RORB: variants seen among roughly 807,000 people sequenced by gnomAD.
RORB encodes nuclear receptor ROR-beta.
In RORB, 6 loss-of-function variants were observed where a neutral mutation model predicts 59.1. That is an observed-to-expected ratio of 0.10 (90% confidence interval 0.06 to 0.20). The LOEUF is 0.20. Among genes scored for constraint, RORB ranks in the 10% least tolerant of loss-of-function variants. The probability of loss-of-function intolerance (pLI) is 1.00; values close to 1 mark genes in which losing one functional copy is unlikely to be tolerated. For synonymous variants in RORB, 215 were observed against 204.5 expected (o/e 1.05, Z -0.44); for missense variants, 320 against 560.5 (o/e 0.57, Z 4.33).
At chr9:74,584,847 T>A (rs1822774814) in intron 1 of RORB, among the ~76,000 whole-genome samples, 1 of 151,870 alleles carries the variant, frequency 6.6e-6, no homozygotes, top group African/African-American at 2.4e-5. Context: ...GCCTTTAGAG[T>A]GGATAGCCAG....
intron 1 of RORB, among the ~76,000 whole-genome samples, chr9:74,618,485 G>T (rs544837010): frequency 6.6e-6 from 1 of 152,142 alleles, no homozygotes; most frequent in East Asian, 1.9e-4. Context: ...CATTGAAATT[G>T]GTTCTGATCA....
chr9:74,539,552 T>C (rs984212265), intron 1 of RORB, among the ~76,000 whole-genome samples: 9 of 152,170 alleles, frequency 5.9e-5, no homozygotes, highest in African/African-American at 2.2e-4. Flanking sequence ...TGTTTTAAAG[T>C]ACTGGGCTAC....
chr9:74,654,021 A>T (rs1432694653), intron 4 of RORB, among the ~76,000 whole-genome samples: 1 of 152,214 alleles, frequency 6.6e-6, no homozygotes, highest in Non-Finnish European at 1.5e-5. Context: ...CTTTCTACAT[A>T]GAATTAGGTA....
intron 1 of RORB, among the ~76,000 whole-genome samples, chr9:74,513,522 G>C (rs191526920): frequency 2.0e-5 from 3 of 152,032 alleles, no homozygotes; most frequent in Admixed American, 2.0e-4. Flanking sequence ...ATTCAATCTA[G>C]AAGGAATTTT....
At chr9:74,533,000 C>T (rs1826270817) in intron 1 of RORB, among the ~76,000 whole-genome samples, 1 of 151,688 alleles carries the variant, frequency 6.6e-6, no homozygotes, top group Non-Finnish European at 1.5e-5. Flanking sequence ...GGGGCCCCCA[C>T]TCCCATAAGG....
chr9:74,631,422 G>C (rs1332074757), intron 2 of RORB, among the ~76,000 whole-genome samples: 1 of 151,454 alleles, frequency 6.6e-6, no homozygotes, highest in African/African-American at 2.4e-5. Flanking sequence ...ATTCTTTTAA[G>C]GCCAGTAAAC....
intron 1 of RORB, among the ~76,000 whole-genome samples, chr9:74,575,977 G>C (rs1822628703): frequency 6.6e-6 from 1 of 151,968 alleles, no homozygotes; most frequent in Admixed American, 6.6e-5. Context: ...ATAAAATAAT[G>C]GTCTTCTTCA....
At chr9:74,511,519 C>A (rs1390961625) in intron 1 of RORB, among the ~76,000 whole-genome samples, 2 of 151,316 alleles carry the variant, frequency 1.3e-5, no homozygotes, top group Non-Finnish European at 2.9e-5. Flanking sequence ...GCACAGTGAC[C>A]CGGGCCTGTG....
At chr9:74,621,165 A>G (rs892666184) in intron 1 of RORB, among the ~76,000 whole-genome samples, 2 of 152,122 alleles carry the variant, frequency 1.3e-5, no homozygotes, top group African/African-American at 2.4e-5. Context: ...GTACTATTCT[A>G]TAGGTTTTGA....
At chr9:74,605,981 G>A (rs1222175169) in intron 1 of RORB, among the ~76,000 whole-genome samples, 9 of 152,138 alleles carry the variant, frequency 5.9e-5, no homozygotes, top group Non-Finnish European at 1.3e-4. Context: ...GCAGGAGGTG[G>A]TACTGATGCT....
intron 1 of RORB, among the ~76,000 whole-genome samples, chr9:74,546,142 C>T (rs565497369): frequency 1.1e-4 from 16 of 152,110 alleles, no homozygotes; most frequent in South Asian, 8.3e-4. Context: ...CTAAAAATGA[C>T]GAAGATTTCA....
At chr9:74,532,834 A>ATATATG (rs1826267358) in intron 1 of RORB, among the ~76,000 whole-genome samples, 2 of 135,050 alleles carry the variant, frequency 1.5e-5, no homozygotes, top group African/African-American at 5.4e-5. Context: ...ATGTGTATAT[A>ATATATG]TATACACATA....
In RORB at chr9:74,673,223, C is replaced by G. The variant is rs542388854; in HGVS notation, c.1224+1322C>G. On this transcript the variant is annotated intron_variant, in intron 9 of 9. Transcript: ENST00000376896. ...GAAAAGACAATAATGTAAATATATG[C>G]ATGTGTCTCTATAGTTGCTTGGTAG... Among the ~76,000 whole-genome samples the G allele has an allele frequency of 7.2e-5, 11 of 152,242 alleles. No homozygotes were observed. In the South Asian group the frequency reaches 2.1e-3, roughly 29 times the overall value.
intron 4 of RORB, among the ~76,000 whole-genome samples, chr9:74,653,847 A>T (rs2118494002): frequency 6.6e-6 from 1 of 152,246 alleles, no homozygotes; most frequent in South Asian, 2.1e-4. Context: ...GGTGGAAAAA[A>T]AACCCGCTGA....
chr9:74,532,467 T>C (rs1371080074), intron 1 of RORB, among the ~76,000 whole-genome samples: 1 of 151,962 alleles, frequency 6.6e-6, no homozygotes, highest in Non-Finnish European at 1.5e-5. Context: ...CATTGCTGCT[T>C]TCCTTATTGG....
chr9:74,521,812 A>G (rs1826089461), intron 1 of RORB, among the ~76,000 whole-genome samples: 1 of 151,752 alleles, frequency 6.6e-6, no homozygotes, highest in Non-Finnish European at 1.5e-5. Flanking sequence ...AGAAAATTGA[A>G]CCATACCTTG....
intron 1 of RORB, among the ~76,000 whole-genome samples, chr9:74,612,277 GA>G (rs1823242171): frequency 6.6e-6 from 1 of 152,130 alleles, no homozygotes; most frequent in African/African-American, 2.4e-5. Flanking sequence ...AAAAGGCAGA[GA>G]AGTGAGGCAT....
chr9:74,676,609 G>A (rs181197430), intron 9 of RORB, among the ~76,000 whole-genome samples: 137 of 152,314 alleles, frequency 9.0e-4, no homozygotes, highest in African/African-American at 2.6e-3. Context: ...CACACCTCTG[G>A]GTGGTTTTAG....
chr9:74,596,777 C>A (rs1211113145), intron 1 of RORB, among the ~76,000 whole-genome samples: 1 of 152,216 alleles, frequency 6.6e-6, no homozygotes, highest in Non-Finnish European at 1.5e-5. Flanking sequence ...TAACCACATG[C>A]AGCTCTCTAA....
Sources: allele counts gnomAD v4.1 joint callset (sites outside exome capture counted in the v4.1 genomes callset), GRCh38; gene constraint gnomAD v4.1.1; transcripts MANE v1.5; gene names NCBI Gene and HGNC (gene_info 2026-07-23, HGNC 2026-07-21).